The following POLN variants were observed in gnomAD, a reference collection of about 807,000 sequenced individuals.
POLN encodes the protein DNA polymerase N.
A neutral mutation model predicts 113.5 loss-of-function variants in POLN; 108 were observed. The ratio of observed to expected loss-of-function variants is 0.95; its 90% CI spans 0.81 to 1.12. The LOEUF is 1.12. Ranked by LOEUF, POLN falls within the 50% of genes most tolerant of loss-of-function variation. The probability of loss-of-function intolerance (pLI) is 0.00; values close to 1 mark genes in which losing one functional copy is unlikely to be tolerated. For synonymous variants in POLN, 386 were observed against 391.5 expected, an observed-to-expected ratio of 0.99 and a Z score of 0.17; for missense variants, 1,097 against 1,077.1, an observed-to-expected ratio of 1.02 and a Z score of -0.26.
intron 19 of POLN, among the ~76,000 whole-genome samples, chr4:2,113,899 AATAAT>A (rs1359693347): frequency 2.8e-5 from 4 of 144,110 alleles, no homozygotes; most frequent in Admixed American, 6.9e-5. Context: ...TAATAATAAT[AATAAT>A]GTCTTTTTTT....
intron 13 of POLN, among the ~76,000 whole-genome samples, chr4:2,167,656 T>C (rs1225679704): frequency 1.3e-5 from 2 of 152,168 alleles, no homozygotes; most frequent in African/African-American, 4.8e-5. Context: ...CCTAGCACTT[T>C]GGGAGGCCGA....
chr4:2,206,992 C>A (rs1577771335), intron 5 of POLN, among the ~76,000 whole-genome samples: 1 of 152,168 alleles, frequency 6.6e-6, no homozygotes, highest in South Asian at 2.1e-4. Context: ...AAACGTGGAA[C>A]CAACCCAAAT....
intron 13 of POLN, among the ~76,000 whole-genome samples, chr4:2,165,309 T>A (rs1430782224): frequency 6.6e-6 from 1 of 152,010 alleles, no homozygotes; most frequent in South Asian, 2.1e-4. Context: ...TACCACTAAG[T>A]GAAATAAGTC....
rs1188753318 is a variant in POLN at position 2,216,538 on chromosome 4, G to A, written c.134-3412C>T. ...ATCCTGCTGCTCCATCAGGCTGGCA[G>A]CTTCTTGGTGTGTGGCTGTGAGGGA... On this transcript the variant is annotated intron_variant, in intron 3 of 25. Transcript: ENST00000511885. 2.0e-5 allele frequency among the ~76,000 whole-genome samples: 3 copies of A among 152,208 alleles called. No homozygotes were observed. In the East Asian group the frequency reaches 5.8e-4, roughly 29 times the overall value.
chr4:2,115,800 T>C (rs1170950974), intron 19 of POLN, among the ~76,000 whole-genome samples: 1 of 152,206 alleles, frequency 6.6e-6, no homozygotes. Flanking sequence ...CAACTCTAGT[T>C]TTGATTCAGT....
chr4:2,211,410 T>A (rs1560095414), intron 4 of POLN, among the ~76,000 whole-genome samples: 1 of 152,080 alleles, frequency 6.6e-6, no homozygotes, highest in Non-Finnish European at 1.5e-5. Flanking sequence ...GCAGAAATCA[T>A]GTACTTTGCA....
At chr4:2,178,229 T>C (rs1000415685) in intron 8 of POLN, among the ~76,000 whole-genome samples, 5 of 151,882 alleles carry the variant, frequency 3.3e-5, no homozygotes, top group East Asian at 1.9e-4. Flanking sequence ...TCACCTCTTA[T>C]CCCCAGCTCA....
intron 5 of POLN, among the ~76,000 whole-genome samples, chr4:2,202,282 C>T (rs1307521979): frequency 6.6e-6 from 1 of 152,208 alleles, no homozygotes; most frequent in Non-Finnish European, 1.5e-5. Context: ...AACCAACCAT[C>T]TGCTGCCTTC....
intron 7 of POLN, among the ~76,000 whole-genome samples, chr4:2,185,217 T>C (rs1433987646): frequency 6.6e-6 from 1 of 152,246 alleles, no homozygotes; most frequent in Non-Finnish European, 1.5e-5. Flanking sequence ...ACTTATGTAG[T>C]CTTTCTCTCC....
chr4:2,177,810 T>C (rs1020401089), intron 8 of POLN, among the ~76,000 whole-genome samples: 2 of 152,184 alleles, frequency 1.3e-5, no homozygotes, highest in Non-Finnish European at 2.9e-5. Context: ...TGGTGGGGTG[T>C]AGACACATGG....
At position 2,208,160 on chromosome 4, in the gene POLN, C is replaced by T. The variant is rs777556943; in HGVS notation, c.541G>A (p.Ala181Thr). The T allele has an allele frequency of 7.4e-6, 12 of 1,613,936 alleles. No homozygotes were observed. Among genetic ancestry groups the T allele is most frequent in the East Asian group, 2.2e-5 (1 of 44,896 alleles). Residue 181 changes from alanine to threonine, a missense_variant, in exon 5 of 26, where the codon GCC (alanine) becomes ACC (threonine). Transcript: ENST00000511885. ...TTCCCAGAATTTAGGTAGCCTTCGG[C>T]GTCATCAGTATCTTCTTCCAATGCC... ...QMALEEDTDD[A>T]EGYLNSGNSG...
chr4:2,238,913 A>G (rs758696862), intron 2 of POLN: 1 of 1,612,740 alleles, frequency 6.2e-7, no homozygotes, highest in Admixed American at 1.7e-5. Flanking sequence ...TGGCATATTC[A>G]ATAACTGGGC....
In POLN at chr4:2,199,870, C is replaced by T. The variant is rs1051361267; in HGVS notation, c.715-1153G>A. Among the ~76,000 whole-genome samples, 6 of 152,270 alleles carry T rather than the reference C, an allele frequency of 3.9e-5. No homozygotes were observed. In the East Asian group the frequency reaches 5.8e-4, roughly 15 times the overall value. On this transcript the variant is annotated intron_variant, in intron 5 of 25. Transcript: ENST00000511885. ...AGGATTACAGGTGTGAGCCACCACA[C>T]CCAGCCAACAGTTGAGTAATATTAT...
chr4:2,235,240 G>A (rs1031227325), intron 2 of POLN, among the ~76,000 whole-genome samples: 5 of 152,182 alleles, frequency 3.3e-5, no homozygotes, highest in Admixed American at 6.5e-5. Context: ...ATCCACCATC[G>A]CAGTGGAAAT....
chr4:2,098,634 C>G (rs551682087), intron 19 of POLN, among the ~76,000 whole-genome samples: 1 of 152,276 alleles, frequency 6.6e-6, no homozygotes, highest in East Asian at 1.9e-4. Context: ...CACATGGTTA[C>G]ATAGAGAAAT....
intron 3 of POLN, among the ~76,000 whole-genome samples, chr4:2,225,648 A>G (rs1290837028): frequency 6.6e-6 from 1 of 151,948 alleles, no homozygotes; most frequent in Non-Finnish European, 1.5e-5. Flanking sequence ...CACTTTTCCT[A>G]ATGTATTACA....
chr4:2,204,109 C>CAAAAAAAAA (rs566255148), intron 5 of POLN, among the ~76,000 whole-genome samples: 18 of 53,228 alleles, frequency 3.4e-4, no homozygotes, highest in African/African-American at 5.5e-4. Context: ...AACTCTATCA[C>CAAAAAAAAA]AAAAAAAAAA....
At chr4:2,240,823 A>C in intron 2 of POLN, 1 of 1,613,776 alleles carries the variant, frequency 6.2e-7, no homozygotes, top group Non-Finnish European at 8.5e-7. Flanking sequence ...CCACAAAACC[A>C]CTTCAGAAAC....
intron 16 of POLN, among the ~76,000 whole-genome samples, chr4:2,131,518 G>C (rs1418331543): frequency 6.6e-6 from 1 of 152,134 alleles, no homozygotes; most frequent in African/African-American, 2.4e-5. Context: ...TTTGACTCTA[G>C]CCTGTGTGAC....
Sources: gnomAD v4.1 joint callset for allele counts (sites outside exome capture counted in the v4.1 genomes callset) on GRCh38, gnomAD v4.1.1 for gene constraint, MANE v1.5 for transcripts, NCBI Gene and HGNC (gene_info 2026-07-23, HGNC 2026-07-21) for gene names.